The following LARP1 variants were observed in gnomAD, a reference collection of about 807,000 sequenced individuals.
LARP1 encodes the protein la-related protein 1.
A neutral mutation model predicts 122.7 loss-of-function variants in LARP1; 36 were observed. The observed-to-expected ratio is 0.29, with a 90% CI of 0.22 to 0.39. The LOEUF is 0.39. Ranked by LOEUF, LARP1 falls within the 10% of genes least tolerant of loss-of-function variation. The probability of loss-of-function intolerance (pLI) is 1.00; values close to 1 mark genes in which losing one functional copy is unlikely to be tolerated. For missense variants in LARP1, 1,040 were observed against 1,403.6 expected (o/e 0.74, Z 4.14); for synonymous variants, 539 against 528.7 (o/e 1.02, Z -0.27).
chr5:154,802,206 A>T lies in LARP1; in HGVS notation c.1916A>T (p.Asp639Val). The change falls in exon 11 of 19, where the codon GAT (aspartate) becomes GTT (valine). Residue 639 changes from aspartate (D) to valine (V), a missense_variant. Physicochemically the swap from Asp to Val is radical, Grantham distance 152 (BLOSUM62 -3). This residue lies in a region of LARP1 where 362 missense variants were observed against 533.1 expected (regional missense o/e 0.68). Transcript: ENST00000518297. This position sits in a 1 kb window ranked among gnomAD's most constrained non-coding sequence, Gnocchi z 5.1. ...TCTGACTATGAGATTGATGACAGGG[A>T]TGTCAACAAGATCCTCATTGTCACC... is the stretch of plus-strand genomic sequence containing the variant. The part of the protein sequence containing the change: ...EESDYEIDDR[D>V]VNKILIVTQT... 3 of 1,614,110 alleles carry T rather than the reference A, an allele frequency of 1.9e-6. No individual in the cohort carries two copies. Among genetic ancestry groups the T allele is most frequent in the Non-Finnish European group, 1.7e-6 (2 of 1,180,016 alleles).
At chr5:154,734,919 A>G (rs1582237124) in intron 1 of LARP1, among the ~76,000 whole-genome samples, 1 of 152,240 alleles carries the variant, frequency 6.6e-6, no homozygotes, top group South Asian at 2.1e-4. Context: ...GGCATCATAC[A>G]GTATTTGTTG....
chr5:154,772,771 T>G (rs1642881498), intron 1 of LARP1, among the ~76,000 whole-genome samples: 1 of 152,154 alleles, frequency 6.6e-6, no homozygotes, highest in African/African-American at 2.4e-5. Context: ...CACCACAACC[T>G]CCGCCTCCCA....
rs775859609 is a variant in LARP1 at position 154,814,028 on chromosome 5, G to A, written c.3223G>A (p.Gly1075Ser). 38 of 1,613,960 alleles carry A rather than the reference G, an allele frequency of 2.4e-5. No homozygotes were observed. The East Asian group carries it at 6.5e-4, about 27-fold the overall frequency. Residue 1075 changes from glycine to serine, a missense_variant, in exon 19 of 19, where the codon GGC (glycine) becomes AGC (serine). Around this residue, in one of 8 missense-constraint regions of LARP1, gnomAD observed 129 missense variants for 160.8 expected, o/e 0.80. Transcript: ENST00000518297. ...MISQPPTPPT[G>S]QPVREDAKWT... ...CAGCCAACCCCCTACACCACCCACC[G>A]GCCAGCCTGTCCGGGAAGATGCCAA... is the stretch of plus-strand genomic sequence containing the variant.
intron 1 of LARP1, among the ~76,000 whole-genome samples, chr5:154,692,290 G>T (rs376796532): frequency 6.6e-6 from 1 of 152,206 alleles, no homozygotes; most frequent in Non-Finnish European, 1.5e-5. Flanking sequence ...TCCTAGCTAT[G>T]TGACTTTAGG....
At chr5:154,774,208 A>C (rs1755673928) in intron 1 of LARP1, among the ~76,000 whole-genome samples, 1 of 152,232 alleles carries the variant, frequency 6.6e-6, no homozygotes, top group South Asian at 2.1e-4. Flanking sequence ...GTTAGCCCTC[A>C]GATGAAAGGG....
chr5:154,706,889 A>G (rs969245188), intron 1 of LARP1, among the ~76,000 whole-genome samples: 1 of 152,210 alleles, frequency 6.6e-6, no homozygotes, highest in Admixed American at 6.5e-5. Context: ...TTCCCAGTAA[A>G]TACTTGCCTC....
In LARP1 at chr5:154,791,848, C is replaced by G. The variant is rs1471152873; in HGVS notation, c.565-774C>G. 12 of 419,148 alleles carry G rather than the reference C, an allele frequency of 2.9e-5. No individual in the cohort carries two copies. The East Asian group carries it at 8.7e-4, about 30-fold the overall frequency. The allele number at this position is 419,148 out of a possible 1,614,324, so 26.0% of individuals were successfully genotyped here. On this transcript the variant is annotated intron_variant, in intron 3 of 18. Transcript: ENST00000518297. ...ATAAGTGGACCCACACAGTTCAAAGCCATTTTATTCAAGGGTCAGCTGAAT... is the reference window on the plus strand; with the variant it reads ...ATAAGTGGACCCACACAGTTCAAAGGCATTTTATTCAAGGGTCAGCTGAAT...
At chr5:154,810,367 C>T (rs2113020172) in intron 16 of LARP1, among the ~76,000 whole-genome samples, 1 of 151,300 alleles carries the variant, frequency 6.6e-6, no homozygotes, top group African/African-American at 2.4e-5. Flanking sequence ...ACCCAGGAGG[C>T]AGAGGTTGCA....
rs767117249 is a variant in LARP1, at chr5:154,811,220, C to T, written c.2844-27C>T. 1.7e-5 allele frequency: 26 copies of T among 1,571,458 alleles called. No individual in the cohort carries two copies. The Admixed American group carries it at 2.3e-4, about 14-fold the overall frequency. On this transcript the variant is annotated intron_variant, in intron 16 of 18. Transcript: ENST00000518297. ...CCGTTTTACAGATGAAGAAACTGCC[C>T]TGATTTCACTGACTTGTGTTCTACA... is the stretch of plus-strand genomic sequence containing the variant.
intron 8 of LARP1, 70 bp from the exon 9 acceptor site, chr5:154,799,521 T>TAGA (rs1758172527): frequency 1.0e-5 from 16 of 1,550,792 alleles, no homozygotes; most frequent in Admixed American, 3.4e-5. Context: ...AACCCAGTTG[T>TAGA]CTACCATTTC....
chr5:154,807,307 C>A (rs903970422), intron 15 of LARP1, among the ~76,000 whole-genome samples: 2 of 152,128 alleles, frequency 1.3e-5, no homozygotes, highest in Non-Finnish European at 1.5e-5. Flanking sequence ...TATTCACATA[C>A]AGGTTTCCTG....
At chr5:154,752,334 C>G (rs1048683860), upstream of LARP1, among the ~76,000 whole-genome samples, 1 of 152,062 alleles carries the variant, frequency 6.6e-6, no homozygotes, top group African/African-American at 2.4e-5. Context: ...CCTCCGCCAC[C>G]TGGGTTCAAG....
chr5:154,762,418 A>T (rs1299058519), intron 1 of LARP1, among the ~76,000 whole-genome samples: 3 of 152,210 alleles, frequency 2.0e-5, no homozygotes, highest in Admixed American at 6.5e-5. Flanking sequence ...AATTTTCAAC[A>T]AGGGCTATTT....
intron 1 of LARP1, among the ~76,000 whole-genome samples, chr5:154,776,029 C>T (rs1755855272): frequency 6.6e-6 from 1 of 152,104 alleles, no homozygotes; most frequent in South Asian, 2.1e-4. Context: ...GTAAATATGG[C>T]CGGGCTTGGT....
chr5:154,725,034 T>A (rs1756114894), intron 1 of LARP1, among the ~76,000 whole-genome samples: 1 of 152,072 alleles, frequency 6.6e-6, no homozygotes, highest in Non-Finnish European at 1.5e-5. Context: ...CCCAATACTT[T>A]GGGAGGCTGA....
At chr5:154,738,402 G>A (rs903229798) in intron 1 of LARP1, among the ~76,000 whole-genome samples, 11 of 152,098 alleles carry the variant, frequency 7.2e-5, no homozygotes, top group African/African-American at 2.7e-4. Context: ...GACCAGCCTG[G>A]CCAACATGGC....
chr5:154,800,157 A>G, intron 10 of LARP1, 115 bp downstream of exon 10: 1 of 928,456 alleles, frequency 1.1e-6, no homozygotes. Flanking sequence ...AAATCTGGGT[A>G]GTTCAGGATC....
intron 1 of LARP1, among the ~76,000 whole-genome samples, chr5:154,687,282 A>G (rs960711240): frequency 6.6e-6 from 1 of 152,254 alleles, no homozygotes; most frequent in Non-Finnish European, 1.5e-5. Context: ...AAAGATGAAG[A>G]TAATAATCTG....
At chr5:154,779,955 T>C (rs764115511) in intron 1 of LARP1, among the ~76,000 whole-genome samples, 2 of 151,658 alleles carry the variant, frequency 1.3e-5, no homozygotes, top group African/African-American at 4.8e-5. Flanking sequence ...TCTTTCCCAG[T>C]TGGGTTGTAG....
Sources: allele counts gnomAD v4.1 joint callset (sites outside exome capture counted in the v4.1 genomes callset), GRCh38; gene constraint gnomAD v4.1.1; regional missense constraint gnomAD v4.1.1; non-coding constraint Gnocchi (gnomAD v3.1); transcripts MANE v1.5; gene names NCBI Gene and HGNC (gene_info 2026-07-23, HGNC 2026-07-21).